The following TAF6 variants were observed in gnomAD, a reference collection of about 807,000 sequenced individuals.
TAF6 encodes TATA-box binding protein associated factor 6, also known as transcription initiation factor TFIID subunit 6.
A neutral mutation model predicts 73.5 loss-of-function variants in TAF6; 50 were observed. The ratio of observed to expected loss-of-function variants is 0.68; its 90% CI spans 0.54 to 0.86. The LOEUF (loss-of-function observed/expected upper bound fraction) is 0.86. Ranked by LOEUF, TAF6 falls within the 40% of genes least tolerant of loss-of-function variation. The pLI is 0.00. For missense variants in TAF6, 768 were observed against 899.5 expected (o/e 0.85, Z 1.87); for synonymous variants, 424 against 376.7 (o/e 1.13, Z -1.45).
At chr7:100,126,467 C>A in the TAF6 span, among the ~76,000 whole-genome samples, 63 of 152,292 alleles carry the variant, frequency 4.1e-4, no homozygotes, top group African/African-American at 1.4e-3. Context: ...GGTGCCCCTG[C>A]ACTCTAGCCT....
Position 100,114,386 on chromosome 7 carries a change from C to T in TAF6, c.-59-118G>A, listed in dbSNP as rs184947009. 674 of 1,021,186 alleles carry T rather than the reference C, an allele frequency of 6.6e-4. No homozygotes were observed. The highest frequency in any genetic ancestry group is 3.2e-4 in the African/African-American group (20 of 63,066). The allele number at this position is 1,021,186 out of a possible 1,614,324, so 63.3% of individuals were successfully genotyped here. On this transcript the variant is annotated intron_variant, in intron 1 of 14. Coordinates refer to ENST00000453269, the MANE Select transcript of TAF6 (RefSeq NM_139315.3). ...TCCGAGTGTCTTATGTCCATCCCCACGTGAGTCAGCCCTGAGGTGTAACAG... is the reference window on the plus strand; with the variant it reads ...TCCGAGTGTCTTATGTCCATCCCCATGTGAGTCAGCCCTGAGGTGTAACAG...
At chr7:100,111,693 A>C (rs758887377) in intron 9 of TAF6, 35 bp downstream of exon 9, 1 of 1,597,750 alleles carries the variant, frequency 6.3e-7, no homozygotes, top group Non-Finnish European at 8.6e-7. Flanking sequence ...CAGGGTCCCT[A>C]GTCCCTGGAA....
In TAF6 at chr7:100,113,900, T is replaced by C. The variant is rs1250406756; in HGVS notation, c.211A>G (p.Ile71Val). 1.9e-6 allele frequency: 3 copies of C among 1,613,154 alleles called. No homozygotes were observed. The highest frequency in any genetic ancestry group is 1.7e-6 in the Non-Finnish European group (2 of 1,179,818). ...TTCTTTAGCTTCAAGGCGTAGTCAA[T>C]GTCACTGGTGGTGAGCTTCTGCCGC... ...GKRQKLTTSD[I>V]DYALKLKNVE... The change falls in exon 3 of 15, where the codon ATT becomes GTT. Residue 71 changes from isoleucine (I) to valine (V), a missense_variant. Around this residue, in one of 5 missense-constraint regions of TAF6, gnomAD observed 269 missense variants for 268.0 expected, o/e 1.00. Coordinates refer to ENST00000453269, the MANE Select transcript of TAF6 (RefSeq NM_139315.3).
chr7:100,113,442 C>A, intron 4 of TAF6, 37 bp from the exon 5 acceptor site: 1 of 1,550,868 alleles, frequency 6.4e-7, no homozygotes, highest in Non-Finnish European at 8.7e-7. Flanking sequence ...AATTGCCACG[C>A]ATGGACATTG....
rs375845494 is a variant in TAF6 at position 100,113,533 on chromosome 7, C to A, written c.397+83G>T. On this transcript the variant is annotated intron_variant, in intron 4 of 14. Coordinates refer to ENST00000453269, the MANE Select transcript of TAF6 (RefSeq NM_139315.3). ...ACCAGGGATCTCACACTGAGCTTTT[C>A]TTCTATTGTGAGGCTCCTCACACCT... The A allele has an allele frequency of 7.1e-5, 110 of 1,558,322 alleles. No homozygotes were observed. The African/African-American group carries it at 1.4e-3, about 19-fold the overall frequency.
intron 5 of TAF6, 66 bp downstream of exon 5, chr7:100,113,283 A>G: frequency 3.2e-6 from 3 of 925,260 alleles, no homozygotes; most frequent in Non-Finnish European, 4.5e-6. Context: ...ACTCTGTCTC[A>G]AAAAAAAAAG....
Position 100,114,104 on chromosome 7 carries a change from A to C in TAF6, c.106T>G (p.Cys36Gly). The C allele has an allele frequency of 3.7e-6, 6 of 1,614,214 alleles. No individual in the cohort carries two copies. Among genetic ancestry groups the C allele is most frequent in the South Asian group, 1.1e-5 (1 of 91,090 alleles). ...CTGACCTCATCCGTTAGCAGCTGGCAGGTCTCCTCCTGAATCTGGGCGATG... is the reference window on the plus strand; with the variant it reads ...CTGACCTCATCCGTTAGCAGCTGGCCGGTCTCCTCCTGAATCTGGGCGATG... ...MGIAQIQEET[C>G]QLLTDEVSYR... Residue 36 changes from cysteine to glycine, a missense_variant, in exon 2 of 15, where the codon TGC becomes GGC. Coordinates refer to ENST00000453269, the MANE Select transcript of TAF6 (RefSeq NM_139315.3).
At chr7:100,123,218 T>G (rs562120089), upstream of TAF6, among the ~76,000 whole-genome samples, 1 of 152,066 alleles carries the variant, frequency 6.6e-6, no homozygotes, top group East Asian at 1.9e-4. Flanking sequence ...GGTGCACGCC[T>G]GTGATCCCAG....
At chr7:100,116,560 A>G (rs1003680537) in intron 1 of TAF6, 1 of 151,898 alleles carries the variant, frequency 6.6e-6, no homozygotes, top group African/African-American at 2.4e-5. Flanking sequence ...AATCACTCGA[A>G]CCCGGGAGGC....
chr7:100,110,409 G>A, intron 10 of TAF6, 135 bp from the exon 11 acceptor site: 2 of 951,714 alleles, frequency 2.1e-6, no homozygotes, highest in Non-Finnish European at 3.2e-6. Context: ...GCTCACACCT[G>A]TAATCCCAGC....
At chr7:100,114,579 G>A in intron 1 of TAF6, 1 of 570,878 alleles carries the variant, frequency 1.8e-6, no homozygotes, top group East Asian at 2.9e-5. Flanking sequence ...AATTAGCAGG[G>A]CGTGGTAGTG....
In TAF6 at chr7:100,112,000, C is replaced by T. The variant is rs1554387469; in HGVS notation, c.721-1G>A. On this transcript the variant is annotated splice_acceptor_variant, in intron 7 of 14. Transcript: ENST00000453269. LOFTEE classifies it high-confidence loss of function. ...CCGTGGCAATGCTTTGCAGGGCTTC[C>T]TGTGGGAGGAGGGAAGCCAGTCAGG... The T allele has an allele frequency of 2.5e-6, 4 of 1,613,828 alleles. No individual in the cohort carries two copies. The highest frequency in any genetic ancestry group is 3.4e-6 in the Non-Finnish European group (4 of 1,179,910).
chr7:100,109,796 C>T (rs913015691), intron 12 of TAF6, 152 bp downstream of exon 12: 18 of 1,217,308 alleles, frequency 1.5e-5, no homozygotes, highest in Admixed American at 2.7e-5. Flanking sequence ...AGTCTAATCT[C>T]AGTCTTTCCA....
At chr7:100,126,359 A>T in the TAF6 span, among the ~76,000 whole-genome samples, 97 of 151,882 alleles carry the variant, frequency 6.4e-4, no homozygotes, top group Non-Finnish European at 1.2e-3. Context: ...ACCAAAAAAA[A>T]TTTAGAGGGG....
Position 100,112,240 on chromosome 7 carries a change from C to T in TAF6, c.588G>A (p.Lys196=), listed in dbSNP as rs377034260. Residue 196 remains lysine (K), a synonymous_variant, in exon 7 of 15, where the codon AAG becomes AAA. Transcript: ENST00000453269. The part of the protein sequence containing the change: ...TTADGKGKEK[K]APPLLEGAPL... Reference sequence around the variant, plus strand: ...GGGCCCCCTCCAGCAAGGGCGGCGCCTTCTTCTCTTTCCCTGTGTGATTGG... The same window carrying T: ...GGGCCCCCTCCAGCAAGGGCGGCGCTTTCTTCTCTTTCCCTGTGTGATTGG... 42 of 1,613,246 alleles carry T rather than the reference C, an allele frequency of 2.6e-5. No individual in the cohort carries two copies. Among genetic ancestry groups the T allele is most frequent in the Non-Finnish European group, 3.6e-5 (42 of 1,179,708 alleles).
Position 100,111,964 on chromosome 7 carries a change from C to T in TAF6, c.756G>A (p.Leu252=), listed in dbSNP as rs745371251. Reference sequence around the variant, plus strand: ...TACTGAACCGTGGCAGCATCTGATACAGTCCAGGGTCCGTGGCAATGCTTT... The same window carrying T: ...TACTGAACCGTGGCAGCATCTGATATAGTCCAGGGTCCGTGGCAATGCTTT... ...ALQSIATDPG[L]YQMLPRFSTF... is the part of the protein sequence containing the mutation. The change falls in exon 8 of 15, where the codon CTG becomes CTA. Residue 252 remains leucine, a synonymous_variant. Transcript: ENST00000453269. The T allele has an allele frequency of 8.1e-6, 13 of 1,614,054 alleles. No individual in the cohort carries two copies. Among genetic ancestry groups the T allele is most frequent in the African/African-American group, 1.3e-5 (1 of 75,008 alleles).
In TAF6 at chr7:100,107,464, A is replaced by G; in HGVS notation, c.1816T>C (p.Tyr606His). The G allele has an allele frequency of 6.2e-7, 1 of 1,613,146 alleles. No individual in the cohort carries two copies. Among genetic ancestry groups the G allele is most frequent in the Non-Finnish European group, 8.5e-7 (1 of 1,179,428 alleles). The change falls in exon 15 of 15, where the codon TAC (tyrosine) becomes CAC (histidine). Residue 606 changes from tyrosine (Y) to histidine (H), a missense_variant. By Grantham distance (83) the Tyr-to-His change is moderately conservative. This residue lies in a region of TAF6 where 350 missense variants were observed against 352.3 expected (regional missense o/e 0.99). Coordinates refer to ENST00000453269, the MANE Select transcript of TAF6 (RefSeq NM_139315.3). ...APSGPGSVQK[Y>H]IVVSLPPTGE... The stretch of plus-strand genomic sequence containing the variant: ...GTTGGGGGAAGTGAGACCACGATGT[A>G]CTTCTGGACACTCCCAGGACCAGAG...
At chr7:100,111,706 G>A in intron 9 of TAF6, 22 bp downstream of exon 9, 1 of 1,612,240 alleles carries the variant, frequency 6.2e-7, no homozygotes, top group East Asian at 2.2e-5. Context: ...CCCTGGAAGG[G>A]AGGATGGGCA....
At chr7:100,124,862 C>A in the TAF6 span, 47 of 1,602,666 alleles carry the variant, frequency 2.9e-5, no homozygotes, top group Non-Finnish European at 3.2e-5. Context: ...AGGAAGCCAC[C>A]CCAAACTTGA....
Sources: allele counts gnomAD v4.1 joint callset (sites outside exome capture counted in the v4.1 genomes callset), GRCh38; gene constraint gnomAD v4.1.1; regional missense constraint gnomAD v4.1.1; transcripts MANE v1.5; gene names NCBI Gene and HGNC (gene_info 2026-07-23, HGNC 2026-07-21).